Variants in ADGRV1 observed in about 807,000 individuals in gnomAD.
ADGRV1 encodes the protein adhesion G protein-coupled receptor V1, also known as G-protein coupled receptor 98.
In ADGRV1, 359 loss-of-function variants were observed where a neutral mutation model predicts 596.2. The observed-to-expected ratio is 0.60, with a 90% CI of 0.55 to 0.66. The LOEUF (loss-of-function observed/expected upper bound fraction) is 0.66. ADGRV1 is among the 30% of genes least tolerant of loss of function. The probability of loss-of-function intolerance (pLI) is 0.00; values close to 1 mark genes in which losing one functional copy is unlikely to be tolerated. For missense variants in ADGRV1, 7,274 were observed against 7,575.6 expected (o/e 0.96, Z 1.48); for synonymous variants, 2,681 against 2,679.2 (o/e 1.00, Z -0.02).
chr5:90,863,691 T>G (rs1767818052), intron 82 of ADGRV1, 66 bp from the exon 83 acceptor site: 1 of 1,203,688 alleles, frequency 8.3e-7, no homozygotes, highest in Non-Finnish European at 1.2e-6. Context: ...CCAAAGATTC[T>G]TGCTATGATG....
chr5:91,062,119 G>A (rs1193537712), intron 85 of ADGRV1, among the ~76,000 whole-genome samples: 1 of 152,160 alleles, frequency 6.6e-6, no homozygotes, highest in Non-Finnish European at 1.5e-5. Context: ...TCTCTCATTT[G>A]TGTGTTGTTA....
chr5:90,845,896 A>G (rs185523051), intron 78 of ADGRV1, among the ~76,000 whole-genome samples: 195 of 152,284 alleles, frequency 1.3e-3, no homozygotes, highest in Non-Finnish European at 2.0e-3. Flanking sequence ...TTGTTTCAGT[A>G]TCCAGTGGTT....
intron 85 of ADGRV1, among the ~76,000 whole-genome samples, chr5:90,998,673 T>C (rs1781604859): frequency 6.6e-6 from 1 of 152,282 alleles, no homozygotes; most frequent in Admixed American, 6.5e-5. Context: ...CAATGATATA[T>C]GTATAATTTT....
chr5:90,869,789 T>A (rs564476984), intron 83 of ADGRV1, among the ~76,000 whole-genome samples: 2 of 152,320 alleles, frequency 1.3e-5, no homozygotes, highest in Non-Finnish European at 2.9e-5. Flanking sequence ...ACTAATATTA[T>A]TCTCATTTTA....
intron 87 of ADGRV1, among the ~76,000 whole-genome samples, chr5:91,120,383 G>T (rs953213380): frequency 1.3e-5 from 2 of 152,146 alleles, no homozygotes; most frequent in Admixed American, 6.5e-5. Flanking sequence ...CACTATGTGG[G>T]CCAGTCACAA....
At chr5:90,768,174 G>A (rs923130498) in intron 59 of ADGRV1, among the ~76,000 whole-genome samples, 6 of 152,138 alleles carry the variant, frequency 3.9e-5, no homozygotes, top group Non-Finnish European at 8.8e-5. Context: ...TTTTCTTCCA[G>A]CGAATAAGTT....
chr5:90,918,595 A>T (rs911074027), intron 83 of ADGRV1, among the ~76,000 whole-genome samples: 2 of 152,154 alleles, frequency 1.3e-5, no homozygotes, highest in Non-Finnish European at 2.9e-5. Flanking sequence ...AAGTTTCTTA[A>T]TGTCTGTGTG....
chr5:91,071,865 C>T (rs780916700), intron 85 of ADGRV1, among the ~76,000 whole-genome samples: 18 of 151,856 alleles, frequency 1.2e-4, no homozygotes, highest in African/African-American at 3.6e-4. Flanking sequence ...TTAGTAGAGA[C>T]GGGGCTTCAC....
intron 75 of ADGRV1, among the ~76,000 whole-genome samples, chr5:90,819,615 G>A (rs947668527): frequency 2.7e-5 from 4 of 150,890 alleles, no homozygotes; most frequent in Non-Finnish European, 4.4e-5. Flanking sequence ...GGTATGTTGT[G>A]TCTTTGTTCT....
At chr5:90,687,569 A>G (rs556138287) in intron 29 of ADGRV1, among the ~76,000 whole-genome samples, 2 of 152,294 alleles carry the variant, frequency 1.3e-5, no homozygotes, top group African/African-American at 4.8e-5. Context: ...CAGGAGAATG[A>G]CATAAAGGGT....
rs77252949 is a variant in ADGRV1, at chr5:90,759,636, A to G, written c.12120+48A>G. On this transcript the variant is annotated intron_variant, in intron 58 of 89. Coordinates refer to ENST00000405460, the MANE Select transcript of ADGRV1 (RefSeq NM_032119.4). Reference sequence around the variant, plus strand: ...AAGCCTTGTTTCAGGCTAGCGTTTCATGTAATTTTGAGTAGAAAGTGTCTC... The same window carrying G: ...AAGCCTTGTTTCAGGCTAGCGTTTCGTGTAATTTTGAGTAGAAAGTGTCTC... 736 of 1,538,724 alleles carry G rather than the reference A, an allele frequency of 4.8e-4. 1 individual carries two copies. In the African/African-American group the frequency reaches 9.3e-3, roughly 19 times the overall value.
In ADGRV1 at chr5:91,163,881, T is replaced by C; in HGVS notation, c.18902T>C (p.Ile6301Thr). The change falls in exon 90 of 90, where the codon ATC (isoleucine) becomes ACC (threonine). Residue 6301 changes from isoleucine to threonine, a missense_variant. Ile to Thr is a moderately conservative substitution (Grantham distance 89, BLOSUM62 -1). Transcript: ENST00000405460. ...ATCGTGGAGCTCAGGAGGATACCCA[T>C]CGCCGACACTCACCTGTAGCACCTC... ...SQIVELRRIP[I>T]ADTHL The C allele has an allele frequency of 6.4e-7, 1 of 1,561,510 alleles. No individual in the cohort carries two copies. The highest frequency in any genetic ancestry group is 8.8e-7 in the Non-Finnish European group (1 of 1,134,598).
At chr5:91,044,196 G>A (rs949989707) in intron 85 of ADGRV1, among the ~76,000 whole-genome samples, 1 of 152,120 alleles carries the variant, frequency 6.6e-6, no homozygotes, top group Non-Finnish European at 1.5e-5. Flanking sequence ...GGTTTAGGCT[G>A]TGCTTGCACT....
intron 85 of ADGRV1, among the ~76,000 whole-genome samples, chr5:91,011,041 T>C (rs1782679183): frequency 6.6e-6 from 1 of 151,972 alleles, no homozygotes. Context: ...TGGAACAATA[T>C]ACGTCAATCT....
chr5:90,558,988 T>G (rs1439546827), intron 1 of ADGRV1, 71 bp downstream of exon 1: 3 of 1,390,534 alleles, frequency 2.2e-6, no homozygotes, highest in African/African-American at 1.5e-5. Context: ...CATCAGCACC[T>G]GTTGCTGCAG....
intron 16 of ADGRV1, 104 bp downstream of exon 16, chr5:90,646,195 T>G: frequency 1.9e-6 from 1 of 539,064 alleles, no homozygotes; most frequent in South Asian, 8.3e-5. Flanking sequence ...CGTGCGTATA[T>G]ACATTTATAT....
chr5:91,051,450 C>T (rs141748636), intron 85 of ADGRV1, among the ~76,000 whole-genome samples: 4 of 150,366 alleles, frequency 2.7e-5, no homozygotes, highest in Admixed American at 2.0e-4. Flanking sequence ...TGTAGGCTAA[C>T]GTAAGTTTTC....
intron 86 of ADGRV1, among the ~76,000 whole-genome samples, chr5:91,091,248 C>A (rs1790359930): frequency 6.6e-6 from 1 of 152,142 alleles, no homozygotes; most frequent in Non-Finnish European, 1.5e-5. Context: ...TTACAAGCCA[C>A]AAACTCAAAT....
intron 84 of ADGRV1, among the ~76,000 whole-genome samples, chr5:90,971,498 ATC>A (rs1387679158): frequency 6.6e-6 from 1 of 152,214 alleles, no homozygotes; most frequent in African/African-American, 2.4e-5. Context: ...CTAACAGCAG[ATC>A]TCTCCGCAGA....
Sources: allele counts gnomAD v4.1 joint callset (sites outside exome capture counted in the v4.1 genomes callset), GRCh38; gene constraint gnomAD v4.1.1; transcripts MANE v1.5; gene names NCBI Gene and HGNC (gene_info 2026-07-23, HGNC 2026-07-21).